TCN1: variants seen among roughly 807,000 people sequenced by gnomAD.
TCN1 encodes the protein transcobalamin-1.
Under a neutral mutation model 46.3 loss-of-function variants are expected in TCN1, and 47 were observed. The ratio of observed to expected loss-of-function variants is 1.01; its 90% confidence interval spans 0.80 to 1.29. The LOEUF (loss-of-function observed/expected upper bound fraction) is 1.29, where lower values mean the gene tolerates loss of function less well. Among genes scored for constraint, TCN1 ranks in the 50% most tolerant of loss-of-function variants. The pLI is 0.00. For missense variants in TCN1, 532 were observed against 511.0 expected (o/e 1.04, Z -0.40); for synonymous variants, 183 against 192.5 (o/e 0.95, Z 0.41).
intron 1 of TCN1, 112 bp from the exon 2 acceptor site, chr11:59,864,198 T>C: frequency 8.2e-7 from 1 of 1,218,948 alleles, no homozygotes; most frequent in South Asian, 1.2e-5. Flanking sequence ...CCTAGACCAA[T>C]CCAGTGGCTG....
chr11:59,861,842 G>A (rs1468687259), intron 3 of TCN1, among the ~76,000 whole-genome samples, 160 bp from the exon 4 acceptor site: 1 of 152,190 alleles, frequency 6.6e-6, no homozygotes, highest in Admixed American at 6.5e-5. Context: ...CCTGAGAAAT[G>A]TGAGGGCTTT....
Position 59,855,887 on chromosome 11 carries a change from A to G in TCN1, c.919T>C (p.Ser307Pro). ...KTFLDINKDSSCVSASGNFNI... is the reference protein window; with the variant it reads ...KTFLDINKDSPCVSASGNFNI... ...CTTATACCTGAAGCAGAGACGCAAGAAGAGTCTTTGTTAATATCCAAGAAG... is the reference window on the plus strand; with the variant it reads ...CTTATACCTGAAGCAGAGACGCAAGGAGAGTCTTTGTTAATATCCAAGAAG... The change falls in exon 6 of 9, where the codon TCT (serine) becomes CCT (proline). Residue 307 changes from serine to proline, a missense_variant. Physicochemically the swap from Ser to Pro is moderately conservative, Grantham distance 74 (BLOSUM62 -1). Transcript: ENST00000257264. The G allele has an allele frequency of 6.2e-7, 1 of 1,613,850 alleles. No homozygotes were observed. Among genetic ancestry groups the G allele is most frequent in the Admixed American group, 1.7e-5 (1 of 60,008 alleles).
At chr11:59,859,612 A>G (rs1852996024) in intron 4 of TCN1, among the ~76,000 whole-genome samples, 1 of 152,174 alleles carries the variant, frequency 6.6e-6, no homozygotes, top group African/African-American at 2.4e-5. Flanking sequence ...TCCCAGTGAT[A>G]ATGTACTCTG....
chr11:59,856,152 AT>A (rs1358815044), intron 5 of TCN1, 94 bp from the exon 6 acceptor site: 2 of 972,148 alleles, frequency 2.1e-6, no homozygotes, highest in East Asian at 4.9e-5. Flanking sequence ...AGCCTTATCT[AT>A]AACTATATAT....
Position 59,859,246 on chromosome 11 carries a change from A to G in TCN1, c.578T>C (p.Leu193Pro), listed in dbSNP as rs568414573. 13 of 1,613,838 alleles carry G rather than the reference A, an allele frequency of 8.1e-6. No homozygotes were observed. The highest frequency in any genetic ancestry group is 1.6e-4 in the Middle Eastern group (1 of 6,082). Residue 193 changes from leucine (L) to proline (P), a missense_variant, in exon 5 of 9, where the codon CTG becomes CCG. Coordinates refer to ENST00000257264, the MANE Select transcript of TCN1 (RefSeq NM_001062.4). ...ACTCTTCTTCACACAGGTCAGAGCCAGGACAGCCATTGCACCAGTATCTGT... is the reference window on the plus strand; with the variant it reads ...ACTCTTCTTCACACAGGTCAGAGCCGGGACAGCCATTGCACCAGTATCTGT... Reference protein sequence around the residue: ...FSVDTGAMAVLALTCVKKSLI... With the variant: ...FSVDTGAMAVPALTCVKKSLI...
Position 59,863,907 on chromosome 11 carries a change from A to C in TCN1, c.259T>G (p.Leu87Val), listed in dbSNP as rs1352251377. The C allele has an allele frequency of 6.2e-7, 1 of 1,613,638 alleles. No individual in the cohort carries two copies. The highest frequency in any genetic ancestry group is 2.2e-5 in the East Asian group (1 of 44,882). Residue 87 changes from leucine (L) to valine (V), a missense_variant and splice_region_variant, in exon 2 of 9, where the codon TTG becomes GTG. Leu to Val is a conservative substitution (Grantham distance 32). Coordinates refer to ENST00000257264, the MANE Select transcript of TCN1 (RefSeq NM_001062.4). ...TCTTCCAGAATATACAGCAACTTAC[A>C]TCTGCTTTTCACATTGTATTTGATT... ...QQIKYNVKSR[L>V]SDVSSGELAL...
Position 59,855,916 on chromosome 11 carries a change from T to C in TCN1, c.890A>G (p.Lys297Arg). ...AAQVLPALMGKTFLDINKDSS... is the reference protein window; with the variant it reads ...AAQVLPALMGRTFLDINKDSS... ...GTCTTTGTTAATATCCAAGAAGGTC[T>C]TTCCCATCAGGGCAGGTAAGACCTG... The change falls in exon 6 of 9, where the codon AAG (lysine) becomes AGG (arginine). Residue 297 changes from lysine (K) to arginine (R), a missense_variant. Physicochemically the swap from Lys to Arg is conservative, Grantham distance 26. Coordinates refer to ENST00000257264, the MANE Select transcript of TCN1 (RefSeq NM_001062.4). 6.2e-7 allele frequency: 1 copy of C among 1,613,914 alleles called. No homozygotes were observed. Among genetic ancestry groups the C allele is most frequent in the East Asian group, 2.2e-5 (1 of 44,882 alleles).
At chr11:59,861,106 T>C (rs1255370968) in intron 4 of TCN1, among the ~76,000 whole-genome samples, 1 of 152,240 alleles carries the variant, frequency 6.6e-6, no homozygotes, top group East Asian at 1.9e-4. Flanking sequence ...TTCAAGACTC[T>C]CGAGGTATCC....
At chr11:59,864,367 A>G (rs574683972) in intron 1 of TCN1, among the ~76,000 whole-genome samples, 1 of 152,298 alleles carries the variant, frequency 6.6e-6, no homozygotes, top group East Asian at 1.9e-4. Flanking sequence ...GAAATCTAGC[A>G]TCATTCCCTA....
At chr11:59,859,329 A>G in intron 4 of TCN1, 62 bp from the exon 5 acceptor site, 3 of 1,582,446 alleles carry the variant, frequency 1.9e-6, no homozygotes, top group Non-Finnish European at 2.6e-6. Context: ...CTGGGCCGAG[A>G]GGTTTCCTGG....
At position 59,853,256 on chromosome 11, in the gene TCN1, T is replaced by C. The variant is rs1866686958; in HGVS notation, c.1187A>G (p.Asn396Ser). Residue 396 changes from asparagine (N) to serine (S), a missense_variant, in exon 8 of 9, where the codon AAT becomes AGT. By Grantham distance (46) the Asn-to-Ser change is conservative (BLOSUM62 1). Coordinates refer to ENST00000257264, the MANE Select transcript of TCN1 (RefSeq NM_001062.4). ...AAGTTCCCAGTAGGTTCTGTCATTATTGTTGGCACATAGGCCCTGAATACA... is the reference window on the plus strand; with the variant it reads ...AAGTTCCCAGTAGGTTCTGTCATTACTGTTGGCACATAGGCCCTGAATACA... Reference protein sequence around the residue: ...ITCIQGLCANNNDRTYWELLS... With the variant: ...ITCIQGLCANSNDRTYWELLS... The C allele has an allele frequency of 1.2e-6, 2 of 1,614,164 alleles. No homozygotes were observed. The highest frequency in any genetic ancestry group is 4.5e-5 in the East Asian group (2 of 44,878).
rs200450074 is a variant in TCN1, at chr11:59,859,227, C to A, written c.597G>T (p.Lys199Asn). Residue 199 changes from lysine (K) to asparagine (N), a missense_variant, in exon 5 of 9, where the codon AAG (lysine) becomes AAT (asparagine). Coordinates refer to ENST00000257264, the MANE Select transcript of TCN1 (RefSeq NM_001062.4). ...AMAVLALTCV[K>N]KSLINGQIKA... ...TGATCTGCCCATTTATTAGACTCTT[C>A]TTCACACAGGTCAGAGCCAGGACAG... 1.9e-6 allele frequency: 3 copies of A among 1,614,034 alleles called. No individual in the cohort carries two copies. Among genetic ancestry groups the A allele is most frequent in the Admixed American group, 1.7e-5 (1 of 60,024 alleles).
chr11:59,866,352 A>G (rs1232231321), intron 1 of TCN1, 40 bp downstream of exon 1: 2 of 1,591,720 alleles, frequency 1.3e-6, no homozygotes, highest in Admixed American at 3.3e-5. Context: ...TTTTCAGTAG[A>G]CTATCACTCT....
chr11:59,860,651 A>C (rs1853007126), intron 4 of TCN1, among the ~76,000 whole-genome samples: 1 of 152,142 alleles, frequency 6.6e-6, no homozygotes, highest in African/African-American at 2.4e-5. Flanking sequence ...AAGGCTCTCA[A>C]GGGTTTCATT....
intron 1 of TCN1, among the ~76,000 whole-genome samples, chr11:59,865,520 G>C (rs541746871): frequency 6.6e-5 from 10 of 152,218 alleles, no homozygotes; most frequent in Admixed American, 1.3e-4. Context: ...CCTGTCTTCT[G>C]TGGTGTTCTC....
chr11:59,853,661 G>T (rs1380181742), intron 7 of TCN1, among the ~76,000 whole-genome samples: 1 of 152,144 alleles, frequency 6.6e-6, no homozygotes, highest in Non-Finnish European at 1.5e-5. Context: ...AACTGCTAAA[G>T]ATACTGATTC....
In TCN1 at chr11:59,862,626, A is replaced by G. The variant is rs766270429; in HGVS notation, c.356T>C (p.Ile119Thr). The stretch of plus-strand genomic sequence containing the variant: ...TTGGAATTTATTTTCTAGCTTGTCG[A>G]TCAGGTGGTAATCATATATTAAGTT... ...EENLIYDYHL[I>T]DKLENKFQAE... The change falls in exon 3 of 9, where the codon ATC becomes ACC. Residue 119 changes from isoleucine to threonine, a missense_variant. Transcript: ENST00000257264. 1.9e-6 allele frequency: 3 copies of G among 1,613,744 alleles called. No individual in the cohort carries two copies. The highest frequency in any genetic ancestry group is 2.5e-6 in the Non-Finnish European group (3 of 1,179,812).
intron 4 of TCN1, among the ~76,000 whole-genome samples, chr11:59,860,617 C>T (rs917935374): frequency 2.0e-5 from 3 of 152,124 alleles, no homozygotes; most frequent in Admixed American, 6.6e-5. Context: ...ACCTAAGAGG[C>T]TGAATCAAAT....
intron 5 of TCN1, among the ~76,000 whole-genome samples, chr11:59,856,411 G>C (rs1178969399): frequency 1.3e-5 from 2 of 151,978 alleles, no homozygotes; most frequent in Non-Finnish European, 2.9e-5. Flanking sequence ...TGTAAAAGGA[G>C]TTGCCAGAGG....
Sources: allele counts gnomAD v4.1 joint callset (sites outside exome capture counted in the v4.1 genomes callset), GRCh38; gene constraint gnomAD v4.1.1; transcripts MANE v1.5; gene names NCBI Gene and HGNC (gene_info 2026-07-23, HGNC 2026-07-21).